The following PARD3 variants were observed in gnomAD, a reference collection of about 807,000 sequenced individuals.
PARD3 encodes par-3 family cell polarity regulator, also known as partitioning defective 3 homolog.
In PARD3, 75 loss-of-function variants were observed where a neutral mutation model predicts 155.4. The ratio of observed to expected loss-of-function variants is 0.48; its 90% CI spans 0.40 to 0.58. PARD3 has a LOEUF of 0.58. PARD3 is among the 20% of genes least tolerant of loss of function. The pLI, the probability that PARD3 is intolerant of heterozygous loss-of-function variation, is 0.00. For synonymous variants in PARD3, 576 were observed against 610.5 expected (o/e 0.94, Z 0.83); for missense variants, 1,642 against 1,721.7 (o/e 0.95, Z 0.82).
At chr10:34,162,505 T>G (rs927690927) in intron 22 of PARD3, among the ~76,000 whole-genome samples, 1 of 152,260 alleles carries the variant, frequency 6.6e-6, no homozygotes, top group Admixed American at 6.5e-5. Flanking sequence ...CATGTGAGTA[T>G]GTATATACAC....
At chr10:34,657,838 C>T (rs923408348) in intron 2 of PARD3, among the ~76,000 whole-genome samples, 1 of 151,932 alleles carries the variant, frequency 6.6e-6, no homozygotes, top group Non-Finnish European at 1.5e-5. Context: ...CACACCTAGC[C>T]ACTTCTCAGC....
chr10:34,807,889 A>G (rs1174173931), intron 1 of PARD3, among the ~76,000 whole-genome samples: 1 of 152,250 alleles, frequency 6.6e-6, no homozygotes, highest in Non-Finnish European at 1.5e-5. Context: ...TTTAAATGGC[A>G]AAAACCACGT....
chr10:34,797,304 T>C (rs1218067419), intron 1 of PARD3, among the ~76,000 whole-genome samples: 1 of 152,100 alleles, frequency 6.6e-6, no homozygotes, highest in African/African-American at 2.4e-5. Context: ...GTGCATGCCA[T>C]CCCGCCTGGC....
At chr10:34,147,116 ATT>A (rs1948549169) in intron 22 of PARD3, among the ~76,000 whole-genome samples, 1 of 151,748 alleles carries the variant, frequency 6.6e-6, no homozygotes, top group African/African-American at 2.4e-5. Context: ...AACTTTTGAG[ATT>A]TTCATGACTC....
chr10:34,374,608 T>C lies in PARD3; in HGVS notation c.1668+266A>G, dbSNP rs572184558. Among the ~76,000 whole-genome samples the C allele has an allele frequency of 7.7e-4, 117 of 152,236 alleles. 2 individuals are homozygous for C. The highest frequency in any genetic ancestry group is 6.4e-3 in the South Asian group (31 of 4,822). The stretch of plus-strand genomic sequence containing the variant: ...TGTATTCAGTCAGTCCATCTGAGGG[T>C]GTACAGTGATGAACATTTGATGCCC... On this transcript the variant is annotated intron_variant, in intron 11 of 24. Transcript: ENST00000374788.
At chr10:34,622,865 A>G (rs924571882) in intron 2 of PARD3, among the ~76,000 whole-genome samples, 1 of 134,862 alleles carries the variant, frequency 7.4e-6, no homozygotes. Context: ...GCCATATTCC[A>G]TATTAATATT....
intron 4 of PARD3, among the ~76,000 whole-genome samples, chr10:34,463,255 G>A (rs1435873261): frequency 2.3e-5 from 3 of 128,068 alleles, no homozygotes; most frequent in Non-Finnish European, 5.0e-5. Context: ...GGAAAGGGAA[G>A]AGGAAGGGGA....
intron 19 of PARD3, 149 bp from the exon 20 acceptor site, chr10:34,317,487 G>A: frequency 1.2e-6 from 1 of 815,960 alleles, no homozygotes; most frequent in Non-Finnish European, 1.9e-6. Flanking sequence ...GTTTAACTTT[G>A]AGTAGAATTA....
At chr10:34,595,469 G>C (rs2089164560) in intron 2 of PARD3, among the ~76,000 whole-genome samples, 1 of 152,122 alleles carries the variant, frequency 6.6e-6, no homozygotes, top group Non-Finnish European at 1.5e-5. Context: ...CACCTTACAA[G>C]GCACAATGCC....
chr10:34,735,106 T>A (rs1308257498), intron 1 of PARD3, among the ~76,000 whole-genome samples: 1 of 151,796 alleles, frequency 6.6e-6, no homozygotes, highest in Non-Finnish European at 1.5e-5. Flanking sequence ...ATTAAGGCAA[T>A]GATGATGTAG....
chr10:34,210,306 A>G (rs908205611), intron 22 of PARD3, among the ~76,000 whole-genome samples: 3 of 152,206 alleles, frequency 2.0e-5, no homozygotes, highest in Admixed American at 2.0e-4. Flanking sequence ...GTTTTCTTTT[A>G]TTCAGTAAGC....
intron 22 of PARD3, among the ~76,000 whole-genome samples, chr10:34,163,847 C>A (rs1270509235): frequency 6.6e-6 from 1 of 152,068 alleles, no homozygotes; most frequent in Non-Finnish European, 1.5e-5. Context: ...AGGAAGGAGT[C>A]CAATGAGTAA....
In PARD3 at chr10:34,458,136, C is replaced by T. The variant is rs558735330; in HGVS notation, c.583-7688G>A. Among the ~76,000 whole-genome samples the T allele has an allele frequency of 9.2e-5, 14 of 152,240 alleles. No homozygotes were observed. In the South Asian group the frequency reaches 2.5e-3, roughly 27 times the overall value. ...CTATACAGTGTTACGAATAATCATACGTAAAATGTTGGCTTTAAAATTGTC... is the reference window on the plus strand; with the variant it reads ...CTATACAGTGTTACGAATAATCATATGTAAAATGTTGGCTTTAAAATTGTC... On this transcript the variant is annotated intron_variant, in intron 4 of 24. Transcript: ENST00000374788.
chr10:34,311,047 T>C (rs1048867525), intron 20 of PARD3, among the ~76,000 whole-genome samples: 1 of 152,202 alleles, frequency 6.6e-6, no homozygotes, highest in Admixed American at 6.5e-5. Flanking sequence ...TTAATCCCCA[T>C]GGCAATTAGG....
intron 2 of PARD3, among the ~76,000 whole-genome samples, chr10:34,547,558 T>C (rs1234896018): frequency 6.6e-6 from 1 of 152,222 alleles, no homozygotes; most frequent in African/African-American, 2.4e-5. Context: ...GGAAATGACA[T>C]GTTTAACTTT....
chr10:34,487,033 G>A (rs550722166), intron 3 of PARD3, among the ~76,000 whole-genome samples: 24 of 151,934 alleles, frequency 1.6e-4, no homozygotes, highest in African/African-American at 4.3e-4. Context: ...CAAATCAGAC[G>A]TCATAACTCA....
In PARD3 at chr10:34,385,663, T is replaced by C. The variant is rs147763189; in HGVS notation, c.891-1409A>G. ...ATTACAACTTGCAGTCATCTGTGTA[T>C]GTTTTCCAGTAGAAATATACCAAAA... is the stretch of plus-strand genomic sequence containing the variant. On this transcript the variant is annotated intron_variant, in intron 7 of 24. Coordinates refer to ENST00000374788, the MANE Select transcript of PARD3 (RefSeq NM_001184785.2). Among the ~76,000 whole-genome samples, 834 of 152,360 alleles carry C rather than the reference T, an allele frequency of 5.5e-3. 6 individuals carry two copies. The highest frequency in any genetic ancestry group is 0.019 in the African/African-American group (775 of 41,590).
intron 19 of PARD3, among the ~76,000 whole-genome samples, chr10:34,323,563 C>T (rs1958504995): frequency 6.6e-6 from 1 of 152,140 alleles, no homozygotes; most frequent in African/African-American, 2.4e-5. Flanking sequence ...AAAAATAGCT[C>T]TATTTCATTT....
chr10:34,285,797 TGGAAA>T (rs1187637894), intron 20 of PARD3, among the ~76,000 whole-genome samples: 32 of 152,140 alleles, frequency 2.1e-4, no homozygotes, highest in Admixed American at 2.0e-3. Context: ...TCTCTAAATA[TGGAAA>T]GGAAAGTATT....
Sources: gnomAD v4.1 joint callset for allele counts (sites outside exome capture counted in the v4.1 genomes callset) on GRCh38, gnomAD v4.1.1 for gene constraint, MANE v1.5 for transcripts, NCBI Gene and HGNC (gene_info 2026-07-23, HGNC 2026-07-21) for gene names.